MAP3K7CL: variants seen among roughly 807,000 people sequenced by gnomAD.
MAP3K7CL encodes MAP3K7 C-terminal-like protein.
In MAP3K7CL, 16 loss-of-function variants were observed where a neutral mutation model predicts 18.6. The observed-to-expected ratio is 0.86, with a 90% CI of 0.58 to 1.31. MAP3K7CL has a LOEUF of 1.31. Among genes scored for constraint, MAP3K7CL ranks in the 50% most tolerant of loss-of-function variants. The probability of loss-of-function intolerance (pLI) is 0.00; values close to 1 mark genes in which losing one functional copy is unlikely to be tolerated. For synonymous variants in MAP3K7CL, 65 were observed against 66.8 expected (o/e 0.97, Z 0.13); for missense variants, 163 against 174.4 (o/e 0.93, Z 0.37).
intron 4 of MAP3K7CL, among the ~76,000 whole-genome samples, chr21:29,096,255 C>T (rs2086119858): frequency 6.6e-6 from 1 of 152,146 alleles, no homozygotes; most frequent in Non-Finnish European, 1.5e-5. Flanking sequence ...TCAAAATATA[C>T]CTTAGGTGCG....
At chr21:29,103,263 C>T (rs2086264131) in intron 4 of MAP3K7CL, among the ~76,000 whole-genome samples, 1 of 152,118 alleles carries the variant, frequency 6.6e-6, no homozygotes, top group South Asian at 2.1e-4. Flanking sequence ...ACCCACAAAG[C>T]TGAAGATGTT....
intron 4 of MAP3K7CL, among the ~76,000 whole-genome samples, chr21:29,120,873 CTGGGCAACA>C (rs1347722365): frequency 6.6e-6 from 1 of 151,684 alleles, no homozygotes; most frequent in Non-Finnish European, 1.5e-5. Flanking sequence ...CGAGACCAGC[CTGGGCAACA>C]TGGTGAAACC....
intron 3 of MAP3K7CL, among the ~76,000 whole-genome samples, chr21:29,151,241 T>C (rs536022560): frequency 1.1e-3 from 164 of 151,274 alleles, no homozygotes; most frequent in African/African-American, 3.8e-3. Flanking sequence ...TTTGGGAGGC[T>C]GAGGCGGGTG....
chr21:29,166,841 A>C (rs956349555), intron 4 of MAP3K7CL, among the ~76,000 whole-genome samples: 1 of 152,308 alleles, frequency 6.6e-6, no homozygotes, highest in East Asian at 1.9e-4. Flanking sequence ...CTTCTTGGCT[A>C]TTGTGAATAA....
upstream of MAP3K7CL, among the ~76,000 whole-genome samples, chr21:29,128,374 C>T (rs1403633217): frequency 1.3e-5 from 2 of 151,416 alleles, no homozygotes; most frequent in African/African-American, 2.4e-5. Context: ...ACGATTTAGG[C>T]TCACTGCAAG....
intron 4 of MAP3K7CL, among the ~76,000 whole-genome samples, chr21:29,100,873 T>C (rs967996653): frequency 2.0e-5 from 3 of 151,612 alleles, no homozygotes; most frequent in African/African-American, 7.3e-5. Flanking sequence ...CCACCACACC[T>C]GGCTAATTTT....
At chr21:29,144,575 G>A (rs574243268) in intron 2 of MAP3K7CL, among the ~76,000 whole-genome samples, 16 of 152,304 alleles carry the variant, frequency 1.1e-4, no homozygotes, top group African/African-American at 3.6e-4. Context: ...CAGGGCTGGG[G>A]GACACCCCTT....
At chr21:29,173,154 AG>A (rs1295842536) in intron 4 of MAP3K7CL, among the ~76,000 whole-genome samples, 1 of 152,130 alleles carries the variant, frequency 6.6e-6, no homozygotes, top group Non-Finnish European at 1.5e-5. Flanking sequence ...TTTTCAGGGT[AG>A]GGGGAACCTA....
exon 1 of MAP3K7CL, chr21:29,077,700 T>C (rs1415893478): frequency 6.5e-6 from 1 of 153,484 alleles, no homozygotes; most frequent in Admixed American, 6.5e-5. Context: ...CCCAAACAGA[T>C]TAAGACATGG....
chr21:29,170,569 A>G (rs1040492532), intron 4 of MAP3K7CL, among the ~76,000 whole-genome samples: 9 of 152,206 alleles, frequency 5.9e-5, no homozygotes, highest in African/African-American at 2.2e-4. Flanking sequence ...TTTGAAGAGA[A>G]AAATAGAACA....
chr21:29,171,446 A>G (rs2087824071), intron 4 of MAP3K7CL, among the ~76,000 whole-genome samples: 1 of 152,158 alleles, frequency 6.6e-6, no homozygotes, highest in Non-Finnish European at 1.5e-5. Context: ...TTTTATCCTT[A>G]TTTACTCCTT....
intron 3 of MAP3K7CL, among the ~76,000 whole-genome samples, chr21:29,157,244 A>G (rs2087429594): frequency 2.0e-5 from 3 of 152,214 alleles, no homozygotes; most frequent in Admixed American, 2.0e-4. Flanking sequence ...CATCTTGCAA[A>G]ATAGAAAGTC....
At chr21:29,159,290 A>G (rs1384150826) in intron 3 of MAP3K7CL, among the ~76,000 whole-genome samples, 2 of 152,236 alleles carry the variant, frequency 1.3e-5, no homozygotes, top group Non-Finnish European at 2.9e-5. Context: ...TTGCGGTCAG[A>G]AAGGCTTGCC....
chr21:29,133,260 GGAT>G (rs1568953437), intron 1 of MAP3K7CL, 43 bp from the exon 2 acceptor site: 1 of 1,437,446 alleles, frequency 7.0e-7, no homozygotes, highest in Admixed American at 2.0e-5. Context: ...GTATTTAGGG[GGAT>G]GATGCTGGAT....
At chr21:29,172,878 A>G (rs1773504973) in intron 4 of MAP3K7CL, among the ~76,000 whole-genome samples, 1 of 116,038 alleles carries the variant, frequency 8.6e-6, no homozygotes, top group African/African-American at 3.3e-5. Context: ...CCACAGGCTT[A>G]TTTCCAATAT....
intron 1 of MAP3K7CL, chr21:29,077,848 AG>A (rs1456587919): frequency 6.6e-6 from 1 of 152,290 alleles, no homozygotes; most frequent in Non-Finnish European, 1.5e-5. Flanking sequence ...GTGATTCAAA[AG>A]CCTGGGATCC....
chr21:29,133,933 G>T (rs993988451), intron 2 of MAP3K7CL, among the ~76,000 whole-genome samples: 6 of 152,152 alleles, frequency 3.9e-5, no homozygotes, highest in African/African-American at 1.4e-4. Flanking sequence ...AAATAGTAAG[G>T]TCTGAGGTGA....
intron 1 of MAP3K7CL, among the ~76,000 whole-genome samples, chr21:29,079,307 C>G (rs1238428334): frequency 6.6e-6 from 1 of 152,198 alleles, no homozygotes; most frequent in Non-Finnish European, 1.5e-5. Flanking sequence ...GAAGCAGTGC[C>G]AAGAGACAGG....
intron 4 of MAP3K7CL, among the ~76,000 whole-genome samples, chr21:29,173,406 A>G (rs905721831): frequency 6.6e-6 from 1 of 152,250 alleles, no homozygotes; most frequent in Non-Finnish European, 1.5e-5. Flanking sequence ...AAAAATACAC[A>G]TTAATTTAAT....
Sources: allele counts gnomAD v4.1 joint callset (sites outside exome capture counted in the v4.1 genomes callset), GRCh38; gene constraint gnomAD v4.1.1; transcripts MANE v1.5; gene names NCBI Gene and HGNC (gene_info 2026-07-23, HGNC 2026-07-21).